The following GRIA3 variants were observed in gnomAD, a reference collection of about 807,000 sequenced individuals.
GRIA3 encodes glutamate receptor 3.
A neutral mutation model predicts 63.0 loss-of-function variants in GRIA3; 3 were observed. The ratio of observed to expected loss-of-function variants is 0.05; its 90% CI spans 0.02 to 0.12. The LOEUF (loss-of-function observed/expected upper bound fraction) is 0.12. GRIA3 is among the 10% of genes least tolerant of loss of function. The pLI, the probability that GRIA3 is intolerant of heterozygous loss-of-function variation, is 1.00. For missense variants in GRIA3, 347 were observed against 700.9 expected (o/e 0.50, Z 5.70); for synonymous variants, 274 against 257.9 (o/e 1.06, Z -0.60).
chrX:123,187,599 T>C (rs1927314228), intron 2 of GRIA3, among the ~76,000 whole-genome samples: 1 of 112,072 alleles, frequency 8.9e-6, no homozygotes, highest in Non-Finnish European at 1.9e-5. Flanking sequence ...TTAGAACAGA[T>C]TTAAAACTAA....
At chrX:123,291,118 T>C (rs2044653305) in intron 3 of GRIA3, among the ~76,000 whole-genome samples, 1 of 111,293 alleles carries the variant, frequency 9.0e-6, no homozygotes, top group African/African-American at 3.3e-5. Context: ...TTAATAGTGG[T>C]AGTGAATGGA....
intron 3 of GRIA3, among the ~76,000 whole-genome samples, chrX:123,260,501 A>G (rs1406366384): frequency 5.7e-4 from 24 of 42,309 alleles, no homozygotes; most frequent in African/African-American, 6.3e-4. Context: ...AGAAAGAAAG[A>G]AAGAAAGAAA....
chrX:123,400,827 C>A (rs989931598), intron 7 of GRIA3, among the ~76,000 whole-genome samples: 1 of 111,891 alleles, frequency 8.9e-6, no homozygotes, highest in African/African-American at 3.2e-5. Flanking sequence ...TATCTTAAAG[C>A]CACTTGCAAA....
rs376174352 is a variant in GRIA3 at position 123,293,678 on chromosome X, T to C, written c.509-32348T>C. On this transcript the variant is annotated intron_variant, in intron 3 of 15. Coordinates refer to ENST00000620443, the MANE Select transcript of GRIA3 (RefSeq NM_007325.5). Reference sequence around the variant, plus strand: ...TTGAGGGTAGAAGCAAAACGGAGAATGGCTGTGAAAGTGCAAAGCGAAAAT... The same window carrying C: ...TTGAGGGTAGAAGCAAAACGGAGAACGGCTGTGAAAGTGCAAAGCGAAAAT... Among the ~76,000 whole-genome samples the C allele has an allele frequency of 3.6e-5, 4 of 110,157 alleles. No individual in the cohort carries two copies. The East Asian group carries it at 8.6e-4, about 24-fold the overall frequency.
intron 4 of GRIA3, among the ~76,000 whole-genome samples, chrX:123,340,358 A>G (rs2045001155): frequency 8.9e-6 from 1 of 112,855 alleles, no homozygotes. Flanking sequence ...ATCTGCATAC[A>G]GGCAACTGTA....
At chrX:123,214,254 C>T (rs1482164205) in intron 2 of GRIA3, among the ~76,000 whole-genome samples, 1 of 111,834 alleles carries the variant, frequency 8.9e-6, no homozygotes, top group African/African-American at 3.3e-5. Flanking sequence ...ACCTACTTAA[C>T]ATAAGCTTTT....
chrX:123,459,588 T>C (rs1158535287), intron 12 of GRIA3, among the ~76,000 whole-genome samples: 1 of 112,012 alleles, frequency 8.9e-6, no homozygotes, highest in Non-Finnish European at 1.9e-5. Flanking sequence ...GCTAATTATC[T>C]AGCAGTGCTT....
At chrX:123,485,686 T>C (rs769008531) in intron 15 of GRIA3, among the ~76,000 whole-genome samples, 1 of 111,937 alleles carries the variant, frequency 8.9e-6, no homozygotes, top group Non-Finnish European at 1.9e-5. Context: ...AGAAAGAATC[T>C]TTCTGAAACA....
At chrX:123,454,285 A>G (rs748852211) in intron 12 of GRIA3, among the ~76,000 whole-genome samples, 1 of 111,323 alleles carries the variant, frequency 9.0e-6, no homozygotes, top group African/African-American at 3.3e-5. Context: ...GGCATTAAGC[A>G]AACTACTTAA....
At chrX:123,325,915 T>C (rs2044899389) in intron 3 of GRIA3, 111 bp from the exon 4 acceptor site, 1 of 630,158 alleles carries the variant, frequency 1.6e-6, no homozygotes, top group Non-Finnish European at 2.6e-6. Flanking sequence ...CTGCTTTCCA[T>C]AATGGATAAG....
rs189862440 is a variant in GRIA3 at position 123,228,352 on chromosome X, T to C, written c.269-24951T>C. 2.2e-4 allele frequency among the ~76,000 whole-genome samples: 25 copies of C among 111,400 alleles called. No homozygotes were observed. In the East Asian group the frequency reaches 6.8e-3, roughly 30 times the overall value. ...GTAAATTGTATTATTATACATTTAC[T>C]GAGTTCCAGGGTTTCTGGGAGGGCC... On this transcript the variant is annotated intron_variant, in intron 2 of 15. Coordinates refer to ENST00000620443, the MANE Select transcript of GRIA3 (RefSeq NM_007325.5).
At chrX:123,304,868 A>T (rs2044745488) in intron 3 of GRIA3, among the ~76,000 whole-genome samples, 1 of 111,987 alleles carries the variant, frequency 8.9e-6, no homozygotes, top group Non-Finnish European at 1.9e-5. Context: ...AAATAAAGAG[A>T]TTATTTTACT....
intron 12 of GRIA3, among the ~76,000 whole-genome samples, chrX:123,450,270 G>A (rs2045723622): frequency 8.9e-6 from 1 of 112,128 alleles, no homozygotes; most frequent in Non-Finnish European, 1.9e-5. Context: ...GGAGCATCTT[G>A]CACAGGTTTC....
At chrX:123,391,384 T>C (rs1015455103) in intron 5 of GRIA3, among the ~76,000 whole-genome samples, 2 of 111,794 alleles carry the variant, frequency 1.8e-5, no homozygotes, top group Admixed American at 1.9e-4. Context: ...TGCAATAATA[T>C]AGTCTCCATG....
At chrX:123,438,287 G>T (rs1288699386) in intron 12 of GRIA3, among the ~76,000 whole-genome samples, 1 of 112,098 alleles carries the variant, frequency 8.9e-6, no homozygotes, top group Non-Finnish European at 1.9e-5. Flanking sequence ...ATGTCTTCAA[G>T]CTTCATACAT....
At chrX:123,206,180 G>A (rs1927882802) in intron 2 of GRIA3, among the ~76,000 whole-genome samples, 1 of 111,487 alleles carries the variant, frequency 9.0e-6, no homozygotes, top group African/African-American at 3.3e-5. Flanking sequence ...TAATTTCAAA[G>A]GAAAAAAAAT....
At chrX:123,282,575 T>C (rs1390175128) in intron 3 of GRIA3, among the ~76,000 whole-genome samples, 1 of 112,515 alleles carries the variant, frequency 8.9e-6, no homozygotes, top group African/African-American at 3.2e-5. Context: ...AGTCCTCAGA[T>C]GAACAGTGGC....
intron 2 of GRIA3, among the ~76,000 whole-genome samples, chrX:123,229,544 G>A (rs1422071710): frequency 1.8e-5 from 2 of 112,183 alleles, no homozygotes; most frequent in Admixed American, 9.4e-5. Flanking sequence ...TTATTTAGGG[G>A]ATCTGTGCCT....
intron 5 of GRIA3, among the ~76,000 whole-genome samples, chrX:123,382,007 G>C: frequency 8.9e-6 from 1 of 111,996 alleles, no homozygotes; most frequent in Middle Eastern, 4.6e-3. Context: ...GAGGACTATT[G>C]GTTGCTCTAT....
Sources: gnomAD v4.1 joint callset for allele counts (sites outside exome capture counted in the v4.1 genomes callset) on GRCh38, gnomAD v4.1.1 for gene constraint, MANE v1.5 for transcripts, NCBI Gene and HGNC (gene_info 2026-07-23, HGNC 2026-07-21) for gene names.